GRIK3: variants seen among roughly 807,000 people sequenced by gnomAD.
The protein encoded by GRIK3 is glutamate receptor ionotropic, kainate 3.
Under a neutral mutation model 102.5 loss-of-function variants are expected in GRIK3, and 29 were observed. The ratio of observed to expected loss-of-function variants is 0.28; its 90% CI spans 0.21 to 0.39. The LOEUF is 0.39. Among genes scored for constraint, GRIK3 ranks in the 10% least tolerant of loss-of-function variants. The probability of loss-of-function intolerance (pLI) is 1.00; values close to 1 mark genes in which losing one functional copy is unlikely to be tolerated. For synonymous variants in GRIK3, 511 were observed against 504.9 expected (o/e 1.01, Z -0.16); for missense variants, 908 against 1,252.4 (o/e 0.73, Z 4.15).
Position 36,880,969 on chromosome 1 carries a change from A to G in GRIK3, c.293-78T>C. On this transcript the variant is annotated intron_variant, in intron 2 of 15. Transcript: ENST00000373091. This position sits in a 1 kb window ranked among gnomAD's most constrained non-coding sequence, Gnocchi z 5.4. ...GGGACAGTGATGCTGATGATCCTGTAAACATGTGGGAAAAACAGCAACTGG... is the reference window on the plus strand; with the variant it reads ...GGGACAGTGATGCTGATGATCCTGTGAACATGTGGGAAAAACAGCAACTGG... 6.8e-7 allele frequency: 1 copy of G among 1,462,640 alleles called. No homozygotes were observed. Among genetic ancestry groups the G allele is most frequent in the South Asian group, 1.3e-5 (1 of 77,458 alleles). 90.6% of individuals were successfully genotyped at this position (1,462,640 alleles called of 1,614,324 possible). A position where few individuals can be genotyped will look rare whatever the true frequency, so the allele number is the denominator to read the frequency against.
intron 1 of GRIK3, among the ~76,000 whole-genome samples, chr1:37,008,303 C>A (rs1642553486): frequency 6.6e-6 from 1 of 152,202 alleles, no homozygotes; most frequent in Non-Finnish European, 1.5e-5. Context: ...GCCTCAGCAT[C>A]CTCATCTATA....
chr1:36,995,340 T>A (rs1352401555), intron 1 of GRIK3, among the ~76,000 whole-genome samples: 1 of 152,154 alleles, frequency 6.6e-6, no homozygotes, highest in African/African-American at 2.4e-5. Flanking sequence ...TTGTTTTGCA[T>A]TTTAAGACCC....
At chr1:36,909,558 C>G (rs1641322804) in intron 1 of GRIK3, among the ~76,000 whole-genome samples, 1 of 152,168 alleles carries the variant, frequency 6.6e-6, no homozygotes, top group Admixed American at 6.5e-5. Context: ...GCCTCGGCCT[C>G]CCAAAGTGCT....
intron 11 of GRIK3, among the ~76,000 whole-genome samples, chr1:36,825,213 T>C (rs1326398430): frequency 6.6e-6 from 1 of 152,182 alleles, no homozygotes; most frequent in Non-Finnish European, 1.5e-5. Flanking sequence ...AGACACACCC[T>C]GTTTTCCAAG....
intron 1 of GRIK3, among the ~76,000 whole-genome samples, chr1:37,020,404 A>G (rs1428792238): frequency 6.6e-6 from 1 of 152,258 alleles, no homozygotes; most frequent in East Asian, 1.9e-4. Flanking sequence ...TCAGGAAATA[A>G]TAACACACAA....
chr1:36,934,270 C>G (rs1641628915), intron 1 of GRIK3, among the ~76,000 whole-genome samples: 1 of 152,118 alleles, frequency 6.6e-6, no homozygotes, highest in African/African-American at 2.4e-5. Flanking sequence ...GGCATGCAGC[C>G]CAGACAGATG....
At chr1:37,006,545 AGAG>A (rs1642534821) in intron 1 of GRIK3, among the ~76,000 whole-genome samples, 3 of 152,248 alleles carry the variant, frequency 2.0e-5, no homozygotes, top group Non-Finnish European at 4.4e-5. Context: ...CCTCAGCATG[AGAG>A]GAGGAGGCAG....
At chr1:37,021,705 G>A (rs1642716529) in intron 1 of GRIK3, among the ~76,000 whole-genome samples, 1 of 152,198 alleles carries the variant, frequency 6.6e-6, no homozygotes. Context: ...TCCCCAGGGA[G>A]GGAAGCAAGA....
At position 37,010,167 on chromosome 1, in the gene GRIK3, A is replaced by G. The variant is rs548574395; in HGVS notation, c.115+23827T>C. Among the ~76,000 whole-genome samples, 5 of 152,324 alleles carry G rather than the reference A, an allele frequency of 3.3e-5. No individual in the cohort carries two copies. In the East Asian group the frequency reaches 9.7e-4, roughly 29 times the overall value. ...TTTGAGTTGTGCTTCTCTTCTAGCCAGCTGTGTGACCTTGGACACGTCACC... is the reference window on the plus strand; with the variant it reads ...TTTGAGTTGTGCTTCTCTTCTAGCCGGCTGTGTGACCTTGGACACGTCACC... On this transcript the variant is annotated intron_variant, in intron 1 of 15. Transcript: ENST00000373091.
rs1640857473 is a variant in GRIK3 at position 36,872,782 on chromosome 1, T to C, written c.551-413A>G. 6.6e-6 allele frequency among the ~76,000 whole-genome samples: 1 copy of C among 152,190 alleles called. No homozygotes were observed. The highest frequency in any genetic ancestry group is 1.5e-5 in the Non-Finnish European group (1 of 68,046). On this transcript the variant is annotated intron_variant, in intron 3 of 15. Transcript: ENST00000373091. This position sits in a 1 kb window ranked among gnomAD's most constrained non-coding sequence, Gnocchi z 5.9. ...AAGCCTTCAGGGCCTAAATCAGAGT[T>C]CACCCCTCTTCTTCTGTACCCACCC...
intron 1 of GRIK3, among the ~76,000 whole-genome samples, chr1:37,016,887 C>G (rs1364973264): frequency 6.6e-6 from 1 of 152,036 alleles, no homozygotes; most frequent in Non-Finnish European, 1.5e-5. Context: ...GAATTCCAAG[C>G]AAAGAGGTTA....
chr1:37,013,065 G>C (rs569459669), intron 1 of GRIK3, among the ~76,000 whole-genome samples: 134 of 152,264 alleles, frequency 8.8e-4, no homozygotes, highest in Non-Finnish European at 7.4e-5. Flanking sequence ...CACATGGCTG[G>C]GGAGGCCTCA....
Position 36,867,887 on chromosome 1 carries a change from G to A in GRIK3, c.786+1861C>T, listed in dbSNP as rs374049599. Among the ~76,000 whole-genome samples the A allele has an allele frequency of 7.1e-4, 108 of 152,236 alleles. 1 individual carries two copies. The East Asian group carries it at 9.5e-3, about 13-fold the overall frequency. On this transcript the variant is annotated intron_variant, in intron 5 of 15. Coordinates refer to ENST00000373091, the MANE Select transcript of GRIK3 (RefSeq NM_000831.4). ...CTGGCTCAAGCCTCATTCCAAGGCC[G>A]GGGTGGGGGGTCGTTGAGTTGGTAA...
intron 1 of GRIK3, among the ~76,000 whole-genome samples, chr1:36,927,689 G>A (rs552553259): frequency 9.9e-5 from 15 of 152,236 alleles, no homozygotes; most frequent in African/African-American, 3.1e-4. Flanking sequence ...AGCCTCTGTC[G>A]GCCAATTCAT....
chr1:36,909,447 C>T (rs931217456), intron 1 of GRIK3, among the ~76,000 whole-genome samples: 8 of 152,044 alleles, frequency 5.3e-5, no homozygotes, highest in African/African-American at 1.7e-4. Flanking sequence ...TACAGGTGCA[C>T]GCCACCATGC....
intron 10 of GRIK3, among the ~76,000 whole-genome samples, chr1:36,840,685 C>T (rs1380308296): frequency 6.6e-6 from 1 of 152,098 alleles, no homozygotes; most frequent in Admixed American, 6.6e-5. Flanking sequence ...TGTGATGGCA[C>T]CACTGCACTC....
At chr1:36,817,343 G>T in intron 12 of GRIK3, 66 bp from the exon 13 acceptor site, 1 of 1,062,464 alleles carries the variant, frequency 9.4e-7, no homozygotes, top group Non-Finnish European at 1.5e-6. Context: ...AAGTCCCCTG[G>T]GTCATGGATT....
rs371851098 is a variant in GRIK3, at chr1:36,853,757, G to T, written c.1105-35C>A. The stretch of plus-strand genomic sequence containing the variant: ...GGAGAGGGCAGAGCGGCAATTCCTC[G>T]GGCTTATAAATCATCATTCGGTACA... On this transcript the variant is annotated intron_variant, in intron 7 of 15. Transcript: ENST00000373091. The T allele has an allele frequency of 3.2e-5, 37 of 1,168,720 alleles. 1 individual carries two copies. In the South Asian group the frequency reaches 4.1e-4, roughly 13 times the overall value. The allele number at this position is 1,168,720 out of a possible 1,614,324, so 72.4% of individuals were successfully genotyped here.
intron 1 of GRIK3, among the ~76,000 whole-genome samples, chr1:36,956,670 C>A (rs930595757): frequency 5.2e-4 from 79 of 152,136 alleles, no homozygotes; most frequent in African/African-American, 1.8e-3. Context: ...GAGCACAGAA[C>A]AAAAGCCCCC....
Sources: gnomAD v4.1 joint callset for allele counts (sites outside exome capture counted in the v4.1 genomes callset) on GRCh38, gnomAD v4.1.1 for gene constraint, Gnocchi (gnomAD v3.1) non-coding constraint, MANE v1.5 for transcripts, NCBI Gene and HGNC (gene_info 2026-07-23, HGNC 2026-07-21) for gene names.